The following PRAME variants were observed in gnomAD, a reference collection of about 807,000 sequenced individuals.
The protein encoded by PRAME is melanoma antigen preferentially expressed in tumors.
PRAME carries 21 observed loss-of-function variants against 32.1 expected under a neutral mutation model. That is an observed-to-expected ratio of 0.65 (90% CI 0.46 to 0.94). The LOEUF (loss-of-function observed/expected upper bound fraction) is 0.94, where lower values mean the gene tolerates loss of function less well. PRAME is among the 40% of genes least tolerant of loss of function. The pLI, the probability that PRAME is intolerant of heterozygous loss-of-function variation, is 0.00. For synonymous variants in PRAME, 274 were observed against 251.5 expected, an observed-to-expected ratio of 1.09 and a Z score of -0.85; for missense variants, 651 against 622.3, an observed-to-expected ratio of 1.05 and a Z score of -0.49.
intron 5 of PRAME, among the ~76,000 whole-genome samples, chr22:22,549,131 G>C (rs2062415237): frequency 6.6e-6 from 1 of 151,878 alleles, no homozygotes. Flanking sequence ...ACATCCAAAG[G>C]GGGTTCCCAG....
intron 4 of PRAME, 114 bp downstream of exon 4, chr22:22,550,653 G>A (rs761071510): frequency 8.0e-7 from 1 of 1,248,012 alleles, no homozygotes; most frequent in Admixed American, 2.3e-5. Flanking sequence ...GAACTTCCTT[G>A]CTGGCAACCA....
intron 3 of PRAME, among the ~76,000 whole-genome samples, chr22:22,556,574 G>C (rs897146280): frequency 6.6e-6 from 1 of 151,934 alleles, no homozygotes. Context: ...GCCTCCCAAA[G>C]TGCTGGGATT....
At position 22,548,636 on chromosome 22, in the gene PRAME, T is replaced by C. The variant is rs543594835; in HGVS notation, c.961A>G (p.Met321Val). ...ATTGAGAGGGTTTCCAAGGGGTTCA[T>C]CACGTGCCTGCAAATAGACAAAGCA... ...GRLDQLLRHV[M>V]NPLETLSITN... The change falls in exon 6 of 6, where the codon ATG (methionine) becomes GTG (valine). Residue 321 changes from methionine to valine, a missense_variant. Transcript: ENST00000405655. 1 of 1,594,938 alleles carries C rather than the reference T, an allele frequency of 6.3e-7. No individual in the cohort carries two copies. The highest frequency in any genetic ancestry group is 1.1e-5 in the South Asian group (1 of 90,188).
intron 3 of PRAME, among the ~76,000 whole-genome samples, chr22:22,555,391 C>G (rs1209810938): frequency 6.6e-6 from 1 of 151,866 alleles, no homozygotes; most frequent in Non-Finnish European, 1.5e-5. Context: ...CACACGCCCC[C>G]ACACACGGCT....
chr22:22,556,878 T>C lies in PRAME; in HGVS notation c.-46A>G, dbSNP rs760585165. The C allele has an allele frequency of 6.2e-7, 1 of 1,612,028 alleles. No individual in the cohort carries two copies. Among genetic ancestry groups the C allele is most frequent in the South Asian group, 1.1e-5 (1 of 91,056 alleles). On this transcript the variant is annotated 5_prime_UTR_variant, in exon 3 of 6. Coordinates refer to ENST00000405655, the MANE Select transcript of PRAME (RefSeq NM_206956.3). ...CCTCAGGACCTCCAACGCTTGGATTTCTAGGTCTCAGTCACTTGTTGCCAC... is the reference window on the plus strand; with the variant it reads ...CCTCAGGACCTCCAACGCTTGGATTCCTAGGTCTCAGTCACTTGTTGCCAC...
intron 3 of PRAME, among the ~76,000 whole-genome samples, 167 bp downstream of exon 3, chr22:22,556,645 A>G (rs2062942204): frequency 1.3e-5 from 2 of 151,706 alleles, no homozygotes; most frequent in South Asian, 4.2e-4. Context: ...CAGCACGGGA[A>G]GTGAAATGCT....
intron 3 of PRAME, among the ~76,000 whole-genome samples, chr22:22,552,578 C>A (rs1408686690): frequency 2.6e-5 from 4 of 151,838 alleles, no homozygotes; most frequent in African/African-American, 4.8e-5. Context: ...TTCACATGTA[C>A]CCTATAAATA....
rs139977651 is a variant in PRAME, at chr22:22,550,925, G to A, written c.186C>T (p.Asp62=). Residue 62 remains aspartate (D), a synonymous_variant, in exon 4 of 6, where the codon GAC becomes GAT. Coordinates refer to ENST00000405655, the MANE Select transcript of PRAME (RefSeq NM_206956.3). ...LFPPLFMAAF[D]GRHSQTLKAM... ...CCTTCAGGGTCTGGCTGTGTCTCCC[G>A]TCAAAGGCTGCCATGAAGAGTGGCG... 654 of 1,613,854 alleles carry A rather than the reference G, an allele frequency of 4.1e-4. 2 individuals carry two copies. The East Asian group carries it at 5.8e-3, about 14-fold the overall frequency.
At chr22:22,557,782 A>G (rs9612026) in intron 1 of PRAME, 2,479 of 4,868 alleles carry the variant, frequency 0.51, 616 homozygotes, top group South Asian at 0.7. Flanking sequence ...GACTGGGAGG[A>G]GGAGGGGCAG....
At position 22,548,254 on chromosome 22, in the gene PRAME, T is replaced by C; in HGVS notation, c.1343A>G (p.Tyr448Cys). Residue 448 changes from tyrosine to cysteine, a missense_variant, in exon 6 of 6, where the codon TAT becomes TGT. Transcript: ENST00000405655. ...GTGGAGGGTACCATGGATGTCCTCATAACTCTCCAGGGGGACAGGATACAG... is the reference window on the plus strand; with the variant it reads ...GTGGAGGGTACCATGGATGTCCTCACAACTCTCCAGGGGGACAGGATACAG... ...HVLYPVPLES[Y>C]EDIHGTLHLE... is the part of the protein sequence containing the mutation. 1 of 1,613,822 alleles carries C rather than the reference T, an allele frequency of 6.2e-7. No homozygotes were observed. The highest frequency in any genetic ancestry group is 8.5e-7 in the Non-Finnish European group (1 of 1,179,954).
Position 22,547,894 on chromosome 22 carries a change from T to C in PRAME, c.*173A>G, listed in dbSNP as rs138214633. The C allele has an allele frequency of 2.7e-6, 2 of 734,896 alleles. No individual in the cohort carries two copies. Among genetic ancestry groups the C allele is most frequent in the Non-Finnish European group, 4.4e-6 (2 of 451,620 alleles). 45.5% of individuals were successfully genotyped at this position (734,896 alleles called of 1,614,324 possible). On this transcript the variant is annotated 3_prime_UTR_variant, in exon 6 of 6. Transcript: ENST00000405655. ...ACATCTGCCTACCCCCAACTTCCCC[T>C]TTTTTTCCTCACTGAACATTTGTCT...
At chr22:22,549,300 G>A (rs779007824) in intron 5 of PRAME, among the ~76,000 whole-genome samples, 1 of 151,908 alleles carries the variant, frequency 6.6e-6, no homozygotes, top group Non-Finnish European at 1.5e-5. Context: ...GGAAATTTGA[G>A]GCAGGTTTAG....
chr22:22,548,496 C>G lies in PRAME; in HGVS notation c.1101G>C (p.Glu367Asp). 1 of 1,613,754 alleles carries G rather than the reference C, an allele frequency of 6.2e-7. No individual in the cohort carries two copies. The highest frequency in any genetic ancestry group is 8.5e-7 in the Non-Finnish European group (1 of 1,179,960). The change falls in exon 6 of 6, where the codon GAG becomes GAC. Residue 367 changes from glutamate to aspartate, a missense_variant. Coordinates refer to ENST00000405655, the MANE Select transcript of PRAME (RefSeq NM_206956.3). Reference sequence around the variant, plus strand: ...CTCTCTCCAGCAGAGCTTGGAGGGGCTCGGGACTTACATCGGTCAGCATGA... The same window carrying G: ...CTCTCTCCAGCAGAGCTTGGAGGGGGTCGGGACTTACATCGGTCAGCATGA... ...SGVMLTDVSPEPLQALLERAS... is the reference protein window; with the variant it reads ...SGVMLTDVSPDPLQALLERAS...
chr22:22,558,636 G>T (rs1244383876), intron 1 of PRAME, among the ~76,000 whole-genome samples: 2 of 147,072 alleles, frequency 1.4e-5, no homozygotes, highest in Admixed American at 6.8e-5. Context: ...GTAGGGTGGG[G>T]GCAGGGTGGA....
chr22:22,548,062 C>A lies in PRAME; in HGVS notation c.*5G>T, dbSNP rs1352456595. 6.2e-7 allele frequency: 1 copy of A among 1,603,482 alleles called. No homozygotes were observed. Among genetic ancestry groups the A allele is most frequent in the South Asian group, 1.1e-5 (1 of 89,958 alleles). ...CAGAATGAAGCATTTGATATGTGCA[C>A]CCAGCTAATTAGGCATGAAACAGGG... is the stretch of plus-strand genomic sequence containing the variant. On this transcript the variant is annotated 3_prime_UTR_variant, in exon 6 of 6. Coordinates refer to ENST00000405655, the MANE Select transcript of PRAME (RefSeq NM_206956.3).
intron 3 of PRAME, among the ~76,000 whole-genome samples, chr22:22,552,183 AAAG>A (rs998258865): frequency 5.9e-5 from 9 of 151,484 alleles, no homozygotes; most frequent in African/African-American, 2.2e-4. Context: ...CTGAAAAGAA[AAAG>A]AAAAAAATCT....
chr22:22,550,351 G>A lies in PRAME; in HGVS notation c.345-17C>T. ...TTCCACCTCCTGTGGGGAAAAACAGGTAATTAGCTGAGATGATGCTTTAAG... is the reference window on the plus strand; with the variant it reads ...TTCCACCTCCTGTGGGGAAAAACAGATAATTAGCTGAGATGATGCTTTAAG... On this transcript the variant is annotated splice_polypyrimidine_tract_variant and intron_variant, in intron 4 of 5. Transcript: ENST00000405655. 1 of 1,607,150 alleles carries A rather than the reference G, an allele frequency of 6.2e-7. No individual in the cohort carries two copies. Among genetic ancestry groups the A allele is most frequent in the Non-Finnish European group, 8.5e-7 (1 of 1,177,966 alleles).
At chr22:22,557,085 G>A (rs1048661563) in intron 2 of PRAME, 176 bp from the exon 3 acceptor site, 3 of 570,944 alleles carry the variant, frequency 5.3e-6, no homozygotes, top group Non-Finnish European at 9.4e-6. Flanking sequence ...GTGTTTCCTG[G>A]GCTGAACCAG....
intron 3 of PRAME, chr22:22,555,827 G>A (rs201392524): frequency 1.5e-4 from 72 of 466,978 alleles, no homozygotes; most frequent in Non-Finnish European, 2.9e-4. Flanking sequence ...TCCCAGGACC[G>A]ACACTTACCC....
Sources: gnomAD v4.1 joint callset for allele counts (sites outside exome capture counted in the v4.1 genomes callset) on GRCh38, gnomAD v4.1.1 for gene constraint, MANE v1.5 for transcripts, NCBI Gene and HGNC (gene_info 2026-07-23, HGNC 2026-07-21) for gene names.